The following STK24 variants were observed in gnomAD, a reference collection of about 807,000 sequenced individuals.
STK24 encodes the protein serine/threonine kinase 24, also known as serine/threonine-protein kinase 24.
In STK24, 21 loss-of-function variants were observed where a neutral mutation model predicts 55.6. The ratio of observed to expected loss-of-function variants is 0.38; its 90% CI spans 0.27 to 0.54. The LOEUF (loss-of-function observed/expected upper bound fraction) is 0.54, where lower values mean the gene tolerates loss of function less well. Ranked by LOEUF, STK24 falls within the 20% of genes least tolerant of loss-of-function variation. The pLI is 0.79. For synonymous variants in STK24, 200 were observed against 215.2 expected, an observed-to-expected ratio of 0.93 and a Z score of 0.62; for missense variants, 383 against 538.4, an observed-to-expected ratio of 0.71 and a Z score of 2.86.
intron 1 of STK24, among the ~76,000 whole-genome samples, chr13:98,568,986 A>C (rs1189543803): frequency 6.6e-6 from 1 of 152,216 alleles, no homozygotes; most frequent in Non-Finnish European, 1.5e-5. Flanking sequence ...GAATCAAAGA[A>C]AAAAGTCAAT....
intron 10 of STK24, chr13:98,456,434 A>G (rs1405874525): frequency 1.0e-5 from 5 of 483,384 alleles, no homozygotes; most frequent in East Asian, 1.3e-4. Context: ...GGGGGTGTGG[A>G]GGACAGCCCA....
intron 1 of STK24, among the ~76,000 whole-genome samples, chr13:98,545,633 CAAAA>C (rs57995539): frequency 3.4e-5 from 4 of 118,116 alleles, no homozygotes; most frequent in Non-Finnish European, 3.4e-5. Flanking sequence ...AACTCCATCT[CAAAA>C]AAAAAAAAAA....
rs1385479017 is a variant in STK24 at position 98,463,815 on chromosome 13, A to G, written c.805T>C (p.Leu269=). 8.1e-6 allele frequency: 13 copies of G among 1,613,984 alleles called. No homozygotes were observed. The highest frequency in any genetic ancestry group is 2.2e-5 in the East Asian group (1 of 44,900). Residue 269 remains leucine (L), a synonymous_variant, in exon 7 of 11, where the codon TTG becomes CTG. Transcript: ENST00000539966. ...TTGCGTAGTATAAACTTGTGCTTCA[A>G]TAACTCCTTAGCAGTGGGTCTCTGG... The part of the protein sequence containing the change: ...PSFRPTAKEL[L]KHKFILRNAK...
intron 1 of STK24, among the ~76,000 whole-genome samples, chr13:98,545,844 C>T (rs1427578339): frequency 3.3e-5 from 5 of 152,136 alleles, no homozygotes; most frequent in African/African-American, 9.6e-5. Context: ...TACTGCATGA[C>T]TTTTAAACAA....
At chr13:98,544,445 G>C (rs1157460086) in intron 1 of STK24, among the ~76,000 whole-genome samples, 1 of 152,244 alleles carries the variant, frequency 6.6e-6, no homozygotes, top group Non-Finnish European at 1.5e-5. Context: ...CATCTGGGAA[G>C]CAAGGGCCCT....
At chr13:98,495,808 A>T (rs1895233238) in intron 2 of STK24, among the ~76,000 whole-genome samples, 1 of 152,198 alleles carries the variant, frequency 6.6e-6, no homozygotes, top group Admixed American at 6.5e-5. Context: ...TCACAGCAAG[A>T]TTTCCTTGCT....
At chr13:98,471,528 A>G (rs1035511681) in intron 5 of STK24, among the ~76,000 whole-genome samples, 1 of 152,124 alleles carries the variant, frequency 6.6e-6, no homozygotes, top group Non-Finnish European at 1.5e-5. Context: ...ACTTCCCCAA[A>G]TCACCTTAAA....
intron 1 of STK24, among the ~76,000 whole-genome samples, chr13:98,574,021 T>A (rs1218734040): frequency 2.1e-5 from 3 of 145,964 alleles, no homozygotes; most frequent in Non-Finnish European, 3.1e-5. Context: ...TTATTTTATT[T>A]TTTTTTTTGA....
rs1219670818 is a variant in STK24, at chr13:98,452,583, C to A, written c.*590G>T. 6.6e-6 allele frequency: 1 copy of A among 152,642 alleles called. No homozygotes were observed. The highest frequency in any genetic ancestry group is 1.5e-5 in the Non-Finnish European group (1 of 68,068). The allele number at this position is 152,642 out of a possible 1,614,324, so 9.5% of individuals were successfully genotyped here. On this transcript the variant is annotated 3_prime_UTR_variant, in exon 11 of 11. Coordinates refer to ENST00000539966, the MANE Select transcript of STK24 (RefSeq NM_001032296.4). ...AACCCAAATCACTGGTCACAGAATT[C>A]AAAATGTACATGTAATAAAGGCAAG...
chr13:98,540,046 G>C (rs1480081640), intron 1 of STK24, among the ~76,000 whole-genome samples: 3 of 152,200 alleles, frequency 2.0e-5, no homozygotes, highest in Non-Finnish European at 4.4e-5. Context: ...CAAAAGGAAT[G>C]AACAACAGAC....
At chr13:98,489,000 C>G (rs1594604101) in intron 2 of STK24, among the ~76,000 whole-genome samples, 1 of 152,336 alleles carries the variant, frequency 6.6e-6, no homozygotes, top group East Asian at 1.9e-4. Flanking sequence ...CACACGGGGT[C>G]ACAGACTTCC....
chr13:98,562,832 C>T (rs1897461684), intron 1 of STK24, among the ~76,000 whole-genome samples: 1 of 147,744 alleles, frequency 6.8e-6, no homozygotes, highest in African/African-American at 2.5e-5. Context: ...AGGAGAACCA[C>T]ATGAACCCAG....
In STK24 at chr13:98,446,747, T is replaced by G. The variant is rs1486351562; in HGVS notation, c.*6426A>C. On this transcript the variant is annotated 3_prime_UTR_variant, in exon 11 of 11. Transcript: ENST00000539966. ...TGAGTCCGAGAACATCCAGAAAGAC[T>G]ACGTGTTCAAGCTGCACTTCAAGTC... is the stretch of plus-strand genomic sequence containing the variant. 1 of 1,614,050 alleles carries G rather than the reference T, an allele frequency of 6.2e-7. No homozygotes were observed. Among genetic ancestry groups the G allele is most frequent in the African/African-American group, 1.3e-5 (1 of 74,930 alleles).
intron 5 of STK24, among the ~76,000 whole-genome samples, chr13:98,468,550 G>T (rs1439507168): frequency 6.6e-6 from 1 of 152,158 alleles, no homozygotes; most frequent in African/African-American, 2.4e-5. Flanking sequence ...AACAGAGGTG[G>T]CAATTGTGAC....
chr13:98,531,121 A>G (rs1896569252), intron 1 of STK24, among the ~76,000 whole-genome samples: 1 of 152,192 alleles, frequency 6.6e-6, no homozygotes, highest in African/African-American at 2.4e-5. Context: ...AAATGTGAAG[A>G]GGCATTCTGT....
rs563618286 is a variant in STK24, at chr13:98,509,839, T to A, written c.273+9404A>T. ...AATGTATACTGCCAGTTGTGCACAC[T>A]CTCTCTGTCGCTCTCTCTCTCTGCC... On this transcript the variant is annotated intron_variant, in intron 2 of 10. Transcript: ENST00000539966. Among the ~76,000 whole-genome samples, 192 of 137,918 alleles carry A rather than the reference T, an allele frequency of 1.4e-3. 2 individuals are homozygous for A. Among genetic ancestry groups the A allele is most frequent in the African/African-American group, 4.6e-3 (180 of 38,906 alleles). The allele number at this position is 137,918 out of a possible 152,430, so 90.5% of individuals were successfully genotyped here.
At chr13:98,489,240 A>G (rs1894926748) in intron 2 of STK24, among the ~76,000 whole-genome samples, 1 of 152,208 alleles carries the variant, frequency 6.6e-6, no homozygotes, top group Non-Finnish European at 1.5e-5. Context: ...AGACTCATCA[A>G]CTTGAACCAC....
intron 5 of STK24, among the ~76,000 whole-genome samples, chr13:98,469,045 T>C (rs1237215348): frequency 1.3e-5 from 2 of 152,206 alleles, no homozygotes; most frequent in Admixed American, 1.3e-4. Flanking sequence ...GCGCTTGCCT[T>C]GATTTTACTC....
intron 1 of STK24, among the ~76,000 whole-genome samples, chr13:98,561,935 C>A (rs1248809856): frequency 1.3e-5 from 2 of 148,330 alleles, no homozygotes; most frequent in Non-Finnish European, 3.0e-5. Context: ...CGAGATCCCA[C>A]CATTGCACTC....
Sources: gnomAD v4.1 joint callset for allele counts (sites outside exome capture counted in the v4.1 genomes callset) on GRCh38, gnomAD v4.1.1 for gene constraint, MANE v1.5 for transcripts, NCBI Gene and HGNC (gene_info 2026-07-23, HGNC 2026-07-21) for gene names.